Variants in TIAM1 observed in about 807,000 individuals in gnomAD.
TIAM1 encodes TIAM Rac1 associated GEF 1.
In TIAM1, 65 loss-of-function variants were observed where a neutral mutation model predicts 163.5. The observed-to-expected ratio is 0.40, with a 90% confidence interval of 0.33 to 0.49. The LOEUF (loss-of-function observed/expected upper bound fraction) is 0.49. TIAM1 is among the 20% of genes least tolerant of loss of function. The probability of loss-of-function intolerance (pLI) is 0.77; values close to 1 mark genes in which losing one functional copy is unlikely to be tolerated. For missense variants in TIAM1, 1,789 were observed against 2,044.7 expected (o/e 0.87, Z 2.41); for synonymous variants, 833 against 810.1 (o/e 1.03, Z -0.48).
chr21:31,264,087 T>TGCA (rs556173516), intron 4 of TIAM1, among the ~76,000 whole-genome samples: 125 of 152,306 alleles, frequency 8.2e-4, no homozygotes, highest in African/African-American at 2.8e-3. Flanking sequence ...AGACCACAGA[T>TGCA]GCAGCCTTGG....
chr21:31,531,760 T>A (rs1191821147), intron 1 of TIAM1, among the ~76,000 whole-genome samples: 2 of 144,170 alleles, frequency 1.4e-5, no homozygotes, highest in Non-Finnish European at 1.5e-5. Context: ...ATACAGGAGT[T>A]AAAAAAAAAA....
rs576223748 is a variant in TIAM1, at chr21:31,285,960, A to C, written c.-188-9052T>G. On this transcript the variant is annotated intron_variant, in intron 2 of 27. Coordinates refer to ENST00000541036, the MANE Select transcript of TIAM1 (RefSeq NM_001353694.2). ...TTTAAGGCTATGACATTGTAAGTGG[A>C]GAGGAAGAAAGAGAATCTAGAAATA... Among the ~76,000 whole-genome samples the C allele has an allele frequency of 4.6e-5, 7 of 152,326 alleles. No homozygotes were observed. The South Asian group carries it at 8.3e-4, about 18-fold the overall frequency.
At chr21:31,457,629 A>G (rs1423191897) in intron 2 of TIAM1, among the ~76,000 whole-genome samples, 1 of 152,252 alleles carries the variant, frequency 6.6e-6, no homozygotes, top group Non-Finnish European at 1.5e-5. Flanking sequence ...CTAAATTTGA[A>G]TAACATGCTA....
chr21:31,525,635 C>T (rs2047754123), intron 1 of TIAM1, among the ~76,000 whole-genome samples: 1 of 152,166 alleles, frequency 6.6e-6, no homozygotes, highest in African/African-American at 2.4e-5. Context: ...CTAGCAGGGC[C>T]AGAATTCAAA....
rs200090628 is a variant in TIAM1, at chr21:31,182,620, A to G, written c.2688T>C (p.Leu896=). The G allele has an allele frequency of 1.3e-5, 20 of 1,596,844 alleles. No individual in the cohort carries two copies. In the East Asian group the frequency reaches 4.2e-4, roughly 34 times the overall value. ...CGTCAGCAGCACGATTATTGATCTC[A>G]AGAATCTCATCTCCTGCTTTCAGGC... The part of the protein sequence containing the change: ...KKGLKAGDEI[L]EINNRAADAL... Residue 896 remains leucine (L), a synonymous_variant, in exon 15 of 28, where the codon CTT becomes CTC. Transcript: ENST00000541036.
At chr21:31,314,384 C>A (rs888166603) in intron 2 of TIAM1, among the ~76,000 whole-genome samples, 4 of 152,066 alleles carry the variant, frequency 2.6e-5, no homozygotes, top group African/African-American at 9.7e-5. Context: ...TGTTAGTAAG[C>A]CCACTAAACT....
chr21:31,407,873 G>A (rs1455507006), intron 2 of TIAM1, among the ~76,000 whole-genome samples: 1 of 152,030 alleles, frequency 6.6e-6, no homozygotes, highest in Non-Finnish European at 1.5e-5. Flanking sequence ...CCTGACCTCA[G>A]GTGATCGGCC....
At chr21:31,139,630 A>C (rs762025032) in intron 22 of TIAM1, among the ~76,000 whole-genome samples, 2 of 152,152 alleles carry the variant, frequency 1.3e-5, no homozygotes, top group Non-Finnish European at 2.9e-5. Flanking sequence ...TTCTTCTTAT[A>C]AAGTTTTATA....
At chr21:31,450,639 C>T (rs1245745692) in intron 2 of TIAM1, among the ~76,000 whole-genome samples, 1 of 152,098 alleles carries the variant, frequency 6.6e-6, no homozygotes, top group Non-Finnish European at 1.5e-5. Flanking sequence ...AAAGACATAC[C>T]CGAGACTGAG....
Position 31,281,115 on chromosome 21 carries a change from CA to C in TIAM1, c.-188-4208del, listed in dbSNP as rs1219465174. Among the ~76,000 whole-genome samples the C allele has an allele frequency of 2.4e-5, 3 of 125,124 alleles. No homozygotes were observed. The East Asian group carries it at 7.2e-4, about 30-fold the overall frequency. 82.1% of individuals were successfully genotyped at this position (125,124 alleles called of 152,430 possible). ...AAAAAAAAAAAAAAAAAAACAACGACAAAAAAACACACTCATAAGGGAAATT... is the reference window on the plus strand; with the variant it reads ...AAAAAAAAAAAAAAAAAAACAACGACAAAAAACACACTCATAAGGGAAATT... On this transcript the variant is annotated intron_variant, in intron 2 of 27. Transcript: ENST00000541036.
At chr21:31,411,950 A>G (rs1387194978) in intron 2 of TIAM1, among the ~76,000 whole-genome samples, 1 of 146,746 alleles carries the variant, frequency 6.8e-6, no homozygotes, top group African/African-American at 2.4e-5. Flanking sequence ...ACCCAAAGGA[A>G]AAGAAATCGT....
chr21:31,538,785 G>A (rs1043716533), intron 1 of TIAM1, among the ~76,000 whole-genome samples: 2 of 152,178 alleles, frequency 1.3e-5, no homozygotes, highest in Non-Finnish European at 1.5e-5. Context: ...CAAAGCAAGC[G>A]GGGAGGGGTC....
rs542920703 is a variant in TIAM1, at chr21:31,487,803, C to T, written c.-421-23768G>A. On this transcript the variant is annotated intron_variant, in intron 1 of 28. Coordinates refer to the TIAM1 transcript ENST00000286827. Reference sequence around the variant, plus strand: ...CGATCTCCTGACCTCATGATCCACCCGCCTCGGCCTCCCAAAGTGCTGGGA... The same window carrying T: ...CGATCTCCTGACCTCATGATCCACCTGCCTCGGCCTCCCAAAGTGCTGGGA... 6.9e-3 allele frequency among the ~76,000 whole-genome samples: 1,043 copies of T among 151,392 alleles called. 10 individuals carry two copies. Among genetic ancestry groups the T allele is most frequent in the South Asian group, 0.016 (76 of 4,762 alleles).
intron 2 of TIAM1, among the ~76,000 whole-genome samples, chr21:31,282,818 T>C (rs1165997654): frequency 6.6e-6 from 1 of 152,086 alleles, no homozygotes; most frequent in Non-Finnish European, 1.5e-5. Flanking sequence ...GACACCCAAA[T>C]CAGAAAATTA....
chr21:31,304,795 C>T lies in TIAM1; in HGVS notation c.-188-27887G>A, dbSNP rs963007588. On this transcript the variant is annotated intron_variant, in intron 2 of 27. Coordinates refer to ENST00000541036, the MANE Select transcript of TIAM1 (RefSeq NM_001353694.2). ...GCAACCTCCGCCTCCTGGGTTTAAG[C>T]GATTCTCGTGCCGCAGCCTCCCAAG... Among the ~76,000 whole-genome samples, 12 of 152,300 alleles carry T rather than the reference C, an allele frequency of 7.9e-5. 1 individual carries two copies. The East Asian group carries it at 1.7e-3, about 22-fold the overall frequency.
chr21:31,240,168 T>G (rs1370058763), intron 6 of TIAM1, among the ~76,000 whole-genome samples: 1 of 152,104 alleles, frequency 6.6e-6, no homozygotes, highest in Non-Finnish European at 1.5e-5. Flanking sequence ...GTTAATAGCG[T>G]CTACTCTCGA....
chr21:31,310,427 T>C lies in TIAM1; in HGVS notation c.-189+28816A>G, dbSNP rs189435543. ...GGCAGTAAGTAAACCTATAAATCCA[T>C]GAAGCCACTGAAATTCCGGGTTGTG... is the stretch of plus-strand genomic sequence containing the variant. On this transcript the variant is annotated intron_variant, in intron 2 of 27. Coordinates refer to ENST00000541036, the MANE Select transcript of TIAM1 (RefSeq NM_001353694.2). Among the ~76,000 whole-genome samples the C allele has an allele frequency of 1.7e-3, 260 of 152,258 alleles. 5 individuals carry two copies. In the South Asian group the frequency reaches 0.029, roughly 17 times the overall value.
At chr21:31,479,439 G>A (rs944927057) in intron 1 of TIAM1, among the ~76,000 whole-genome samples, 1 of 133,538 alleles carries the variant, frequency 7.5e-6, no homozygotes, top group Non-Finnish European at 1.7e-5. Flanking sequence ...ACGGATGAAT[G>A]GAAGGATGGA....
chr21:31,152,317 G>A (rs1601312133), intron 19 of TIAM1, among the ~76,000 whole-genome samples: 2 of 152,312 alleles, frequency 1.3e-5, no homozygotes, highest in African/African-American at 2.4e-5. Context: ...ACAGGCGTGA[G>A]CCACCATGCC....
Sources: gnomAD v4.1 joint callset for allele counts (sites outside exome capture counted in the v4.1 genomes callset) on GRCh38, gnomAD v4.1.1 for gene constraint, MANE v1.5 for transcripts, NCBI Gene and HGNC (gene_info 2026-07-23, HGNC 2026-07-21) for gene names.